The following CELSR3 variants were observed in gnomAD, a reference collection of about 807,000 sequenced individuals.
The protein encoded by CELSR3 is EGF-like protein 1.
Under a neutral mutation model 270.0 loss-of-function variants are expected in CELSR3, and 73 were observed. That is an observed-to-expected ratio of 0.27 (90% confidence interval 0.22 to 0.33). The LOEUF (loss-of-function observed/expected upper bound fraction) is 0.33, where lower values mean the gene tolerates loss of function less well. Ranked by LOEUF, CELSR3 falls within the 10% of genes least tolerant of loss-of-function variation. The pLI, the probability that CELSR3 is intolerant of heterozygous loss-of-function variation, is 1.00. For missense variants in CELSR3, 3,614 were observed against 4,533.8 expected (o/e 0.80, Z 5.83); for synonymous variants, 1,780 against 1,905.4 (o/e 0.93, Z 1.71).
Position 48,646,741 on chromosome 3 carries a change from CA to C in CELSR3, c.7295+21del, listed in dbSNP as rs746151087. On this transcript the variant is annotated intron_variant, in intron 21 of 34. Transcript: ENST00000164024. The surrounding 1 kb of genome is among the most constrained non-coding windows in gnomAD (Gnocchi z 4.8). ...CAGGCTGAGAAGTTCGTAGGAAGCTCAGGGGTGAGGGGCCTGAGTACCTGGC... is the reference window on the plus strand; with the variant it reads ...CAGGCTGAGAAGTTCGTAGGAAGCTCGGGGTGAGGGGCCTGAGTACCTGGC... 11 of 1,600,562 alleles carry C rather than the reference CA, an allele frequency of 6.9e-6. No individual in the cohort carries two copies. Among genetic ancestry groups the C allele is most frequent in the Non-Finnish European group, 9.4e-6 (11 of 1,175,776 alleles).
rs1277476856 is a variant in CELSR3 at position 48,645,933 on chromosome 3, A to G, written c.7464-65T>C. The G allele has an allele frequency of 1.3e-5, 21 of 1,575,858 alleles. No individual in the cohort carries two copies. Among genetic ancestry groups the G allele is most frequent in the Non-Finnish European group, 4.3e-6 (5 of 1,157,908 alleles). ...GTCAGGCAGGGGTTTGTGAGAGATC[A>G]TGGGAAGGGCTGAGGGTGCCTGGAG... On this transcript the variant is annotated intron_variant, in intron 22 of 34. Coordinates refer to ENST00000164024, the MANE Select transcript of CELSR3 (RefSeq NM_001407.3). The surrounding 1 kb of genome is among the most constrained non-coding windows in gnomAD (Gnocchi z 5.4).
At position 48,656,802 on chromosome 3, in the gene CELSR3, CA is replaced by C; in HGVS notation, c.4294del (p.Cys1432AlafsTer127). On this transcript the variant is annotated frameshift_variant, in exon 2 of 35. Transcript: ENST00000164024. LOFTEE classifies it high-confidence loss of function. Reference sequence around the variant, plus strand: ...GTAGCAGAGGTCGAGCTCGGTCTCGCAAAAGTCTCCCGTGAATCCGGGCGGG... The same window carrying C: ...GTAGCAGAGGTCGAGCTCGGTCTCGCAAAGTCTCCCGTGAATCCGGGCGGG... ...RCPPGFTGDF[C>X]ETELDLCYSN... The C allele has an allele frequency of 6.2e-7, 1 of 1,604,656 alleles. No individual in the cohort carries two copies. The highest frequency in any genetic ancestry group is 8.5e-7 in the Non-Finnish European group (1 of 1,175,248).
rs763423081 is a variant in CELSR3 at position 48,651,556 on chromosome 3, G to A, written c.6065+21C>T. The A allele has an allele frequency of 1.5e-5, 24 of 1,590,532 alleles. No individual in the cohort carries two copies. Among genetic ancestry groups the A allele is most frequent in the East Asian group, 6.7e-5 (3 of 44,566 alleles). ...CCTGTCCCTGCCAGGTCTCCCCATC[G>A]CCTCAGCCCCAGCCTCTTACCTGTG... On this transcript the variant is annotated intron_variant, in intron 13 of 34. Coordinates refer to ENST00000164024, the MANE Select transcript of CELSR3 (RefSeq NM_001407.3). This position sits in a 1 kb window ranked among gnomAD's most constrained non-coding sequence, Gnocchi z 7.4.
At position 48,660,940 on chromosome 3, in the gene CELSR3, C is replaced by A; in HGVS notation, c.1695G>T (p.Leu565=). The part of the protein sequence containing the change: ...REDVRPHTVV[L]RVTATDRDKD... ...TGTCCCGGTCAGTGGCCGTGACGCG[C>A]AGCACGACTGTGTGGGGGCGCACAT... Residue 565 remains leucine (L), a synonymous_variant, in exon 1 of 35, where the codon CTG becomes CTT. Transcript: ENST00000164024. The surrounding 1 kb of genome is among the most constrained non-coding windows in gnomAD (Gnocchi z 5.5). 1 of 1,613,946 alleles carries A rather than the reference C, an allele frequency of 6.2e-7. No individual in the cohort carries two copies. Among genetic ancestry groups the A allele is most frequent in the East Asian group, 2.2e-5 (1 of 44,892 alleles).
At position 48,655,158 on chromosome 3, in the gene CELSR3, T is replaced by C. The variant is rs2047169174; in HGVS notation, c.4874A>G (p.Asp1625Gly). The stretch of plus-strand genomic sequence containing the variant: ...ATCCACGCTTAGCACAGCCACCTTG[T>C]CCTTGGAGGGGCCCTGTGCACCCCC... ...ALGGAQGPSK[D>G]KVAVLSVDDC... The change falls in exon 6 of 35, where the codon GAC (aspartate) becomes GGC (glycine). Residue 1625 changes from aspartate (D) to glycine (G), a missense_variant. Physicochemically the swap from Asp to Gly is moderately conservative, Grantham distance 94. This residue lies in a region of CELSR3 where 1,331 missense variants were observed against 1,933.7 expected (regional missense o/e 0.69). Coordinates refer to ENST00000164024, the MANE Select transcript of CELSR3 (RefSeq NM_001407.3). The surrounding 1 kb of genome is among the most constrained non-coding windows in gnomAD (Gnocchi z 5.8). The C allele has an allele frequency of 6.2e-7, 1 of 1,613,984 alleles. No individual in the cohort carries two copies. Among genetic ancestry groups the C allele is most frequent in the Non-Finnish European group, 8.5e-7 (1 of 1,179,950 alleles).
chr3:48,656,456 C>T, intron 2 of CELSR3, 91 bp from the exon 3 acceptor site: 24 of 1,252,868 alleles, frequency 1.9e-5, no homozygotes, highest in Non-Finnish European at 2.4e-5. Context: ...GGCCGGGTGC[C>T]AAGACCCCCG....
Position 48,640,705 on chromosome 3 carries a change from C to G in CELSR3, c.9026-146G>C. 1 of 831,162 alleles carries G rather than the reference C, an allele frequency of 1.2e-6. No individual in the cohort carries two copies. The highest frequency in any genetic ancestry group is 1.8e-6 in the Non-Finnish European group (1 of 552,750). The allele number at this position is 831,162 out of a possible 1,614,324, so 51.5% of individuals were successfully genotyped here. A position where few individuals can be genotyped will look rare whatever the true frequency, so the allele number is the denominator to read the frequency against. On this transcript the variant is annotated intron_variant, in intron 33 of 34. Transcript: ENST00000164024. This position sits in a 1 kb window ranked among gnomAD's most constrained non-coding sequence, Gnocchi z 7.5. ...ACCCCTTGGGGAGCAGCAGAGGCAA[C>G]CCTGGTGGTCCCAGAGAGGCAGCAG...
In CELSR3 at chr3:48,661,947, G is replaced by C. The variant is rs761223339; in HGVS notation, c.688C>G (p.Pro230Ala). Residue 230 changes from proline (P) to alanine (A), a missense_variant, in exon 1 of 35, where the codon CCC becomes GCC. This residue lies in a region of CELSR3 where 470 missense variants were observed against 469.7 expected (regional missense o/e 1.00). Coordinates refer to ENST00000164024, the MANE Select transcript of CELSR3 (RefSeq NM_001407.3). ...GCCCCTGGAAGACAGTTCCGCCGGGGGGCTGTCCTTTCTGCTCCGGATGTC... is the reference window on the plus strand; with the variant it reads ...GCCCCTGGAAGACAGTTCCGCCGGGCGGCTGTCCTTTCTGCTCCGGATGTC... Reference protein sequence around the residue: ...ATTSGAERTAPRRNCLPGASG... With the variant: ...ATTSGAERTAARRNCLPGASG... The C allele has an allele frequency of 6.2e-7, 1 of 1,613,650 alleles. No individual in the cohort carries two copies. The highest frequency in any genetic ancestry group is 1.3e-5 in the African/African-American group (1 of 75,078).
Position 48,639,786 on chromosome 3 carries a change from G to A in CELSR3, c.9799C>T (p.Pro3267Ser), listed in dbSNP as rs972850209. The A allele has an allele frequency of 1.2e-6, 2 of 1,613,864 alleles. No homozygotes were observed. Among genetic ancestry groups the A allele is most frequent in the African/African-American group, 2.7e-5 (2 of 75,034 alleles). ...ALSSVQSSST[P>S]LGPHTTATPS... ...GTGGCAGTGGTGTGAGGGCCCAAGGGTGTGCTTGAAGATTGCACAGAGGAG... is the reference window on the plus strand; with the variant it reads ...GTGGCAGTGGTGTGAGGGCCCAAGGATGTGCTTGAAGATTGCACAGAGGAG... The change falls in exon 34 of 35, where the codon CCC becomes TCC. Residue 3267 changes from proline (P) to serine (S), a missense_variant. By Grantham distance (74) the Pro-to-Ser change is moderately conservative. Around this residue, in one of 7 missense-constraint regions of CELSR3, gnomAD observed 1,240 missense variants for 1,351.7 expected, o/e 0.92. Coordinates refer to ENST00000164024, the MANE Select transcript of CELSR3 (RefSeq NM_001407.3). The surrounding 1 kb of genome is among the most constrained non-coding windows in gnomAD (Gnocchi z 4.1).
chr3:48,641,932 C>G lies in CELSR3; in HGVS notation c.8743G>C (p.Asp2915His), dbSNP rs770006980. 5.8e-5 allele frequency: 93 copies of G among 1,602,748 alleles called. No individual in the cohort carries two copies. The South Asian group carries it at 7.3e-4, about 12-fold the overall frequency. The change falls in exon 32 of 35, where the codon GAC becomes CAC. Residue 2915 changes from aspartate to histidine, a missense_variant. This residue lies in a region of CELSR3 where 1,240 missense variants were observed against 1,351.7 expected (regional missense o/e 0.92). Coordinates refer to ENST00000164024, the MANE Select transcript of CELSR3 (RefSeq NM_001407.3). This position sits in a 1 kb window ranked among gnomAD's most constrained non-coding sequence, Gnocchi z 4.8. The stretch of plus-strand genomic sequence containing the variant: ...AAGCGCCCCCGCGTCCGGCCATTGT[C>G]CTCGCTTTCTGAAGATGGAATGGAG... ...SLSIPSSESE[D>H]NGRTRGRFQR...
Position 48,657,136 on chromosome 3 carries a change from C to A in CELSR3, c.3961G>T (p.Val1321Leu). 6.2e-7 allele frequency: 1 copy of A among 1,613,994 alleles called. No individual in the cohort carries two copies. Residue 1321 changes from valine (V) to leucine (L), a missense_variant, in exon 2 of 35, where the codon GTA (valine) becomes TTA (leucine). By Grantham distance (32) the Val-to-Leu change is conservative. This residue lies in a region of CELSR3 where 1,331 missense variants were observed against 1,933.7 expected (regional missense o/e 0.69). Transcript: ENST00000164024. This position sits in a 1 kb window ranked among gnomAD's most constrained non-coding sequence, Gnocchi z 5.4. ...CTCACATTGAGCACGGTGCCCCCTACGTCTGTGTCGTTCTGGATGTTGAAG... is the reference window on the plus strand; with the variant it reads ...CTCACATTGAGCACGGTGCCCCCTAAGTCTGTGTCGTTCTGGATGTTGAAG... ...FIFNIQNDTD[V>L]GGTVLNVSFS...
At position 48,650,758 on chromosome 3, in the gene CELSR3, G is replaced by C. The variant is rs979817550; in HGVS notation, c.6370+134C>G. The C allele has an allele frequency of 7.1e-6, 8 of 1,119,100 alleles. No individual in the cohort carries two copies. Among genetic ancestry groups the C allele is most frequent in the Admixed American group, 2.7e-5 (1 of 36,764 alleles). The allele number at this position is 1,119,100 out of a possible 1,614,324, so 69.3% of individuals were successfully genotyped here. ...AGCAAAGTACTTGGGGCAAAGGTAG[G>C]GTTCCCTGGGTGTAAGTGGTCTCCC... On this transcript the variant is annotated intron_variant, in intron 15 of 34. Transcript: ENST00000164024. This position sits in a 1 kb window ranked among gnomAD's most constrained non-coding sequence, Gnocchi z 5.1.
chr3:48,660,752 G>A lies in CELSR3; in HGVS notation c.1883C>T (p.Pro628Leu), dbSNP rs1368392692. The A allele has an allele frequency of 1.2e-6, 2 of 1,614,084 alleles. No individual in the cohort carries two copies. Among genetic ancestry groups the A allele is most frequent in the Non-Finnish European group, 1.7e-6 (2 of 1,180,024 alleles). ...LRIRAQDAGR[P>L]PLSNNTGLAS... ...CAGGCCCGTGTTGTTGGACAGCGGTGGCCGGCCAGCATCCTGCGCCCTGAT... is the reference window on the plus strand; with the variant it reads ...CAGGCCCGTGTTGTTGGACAGCGGTAGCCGGCCAGCATCCTGCGCCCTGAT... Residue 628 changes from proline to leucine, a missense_variant, in exon 1 of 35, where the codon CCA becomes CTA. This residue lies in a region of CELSR3 where 354 missense variants were observed against 500.9 expected (regional missense o/e 0.71). Coordinates refer to ENST00000164024, the MANE Select transcript of CELSR3 (RefSeq NM_001407.3). The surrounding 1 kb of genome is among the most constrained non-coding windows in gnomAD (Gnocchi z 5.5).
chr3:48,657,185 A>G lies in CELSR3; in HGVS notation c.3912T>C (p.Ala1304=), dbSNP rs745321300. 5.0e-6 allele frequency: 8 copies of G among 1,613,816 alleles called. No individual in the cohort carries two copies. Among genetic ancestry groups the G allele is most frequent in the Admixed American group, 3.3e-5 (2 of 60,004 alleles). The change falls in exon 2 of 35, where the codon GCT becomes GCC. Residue 1304 remains alanine, a synonymous_variant. Coordinates refer to ENST00000164024, the MANE Select transcript of CELSR3 (RefSeq NM_001407.3). The surrounding 1 kb of genome is among the most constrained non-coding windows in gnomAD (Gnocchi z 5.4). ...AGATGAAGACGTCCTCAGCGGGCGT[A>G]GCGAGCACCGCAGCCACGCCCTCGA... ...RFLEGVAAVL[A]TPAEDVFIFN... is the part of the protein sequence containing the mutation.
At position 48,641,404 on chromosome 3, in the gene CELSR3, G is replaced by A; in HGVS notation, c.8945C>T (p.Ala2982Val). Residue 2982 changes from alanine (A) to valine (V), a missense_variant, in exon 33 of 35, where the codon GCA becomes GTA. Physicochemically the swap from Ala to Val is moderately conservative, Grantham distance 64 (BLOSUM62 0). Coordinates refer to ENST00000164024, the MANE Select transcript of CELSR3 (RefSeq NM_001407.3). The surrounding 1 kb of genome is among the most constrained non-coding windows in gnomAD (Gnocchi z 4.8). ...CGGGTCTGGCTGGTTGTTGTTAGCT[G>A]CATCCTTGCTGGTGTCCAGCCCCAG... is the stretch of plus-strand genomic sequence containing the variant. ...RRLGLDTSKD[A>V]ANNNQPDPAL... 4 of 1,612,440 alleles carry A rather than the reference G, an allele frequency of 2.5e-6. No homozygotes were observed. Among genetic ancestry groups the A allele is most frequent in the Non-Finnish European group, 3.4e-6 (4 of 1,179,634 alleles).
chr3:48,645,427 G>A lies in CELSR3; in HGVS notation c.7797+16C>T. ...AGGGTCATCAGGACACAAGTTCCCT[G>A]GCCCTGATCCTGCACCTGATTGTGG... is the stretch of plus-strand genomic sequence containing the variant. On this transcript the variant is annotated intron_variant, in intron 24 of 34. Transcript: ENST00000164024. This position sits in a 1 kb window ranked among gnomAD's most constrained non-coding sequence, Gnocchi z 5.4. 1 of 1,612,632 alleles carries A rather than the reference G, an allele frequency of 6.2e-7. No homozygotes were observed. The highest frequency in any genetic ancestry group is 8.5e-7 in the Non-Finnish European group (1 of 1,179,760).
In CELSR3 at chr3:48,638,135, C is replaced by G. The variant is rs1473170116; in HGVS notation, c.*70G>C. On this transcript the variant is annotated 3_prime_UTR_variant, in exon 35 of 35. Coordinates refer to ENST00000164024, the MANE Select transcript of CELSR3 (RefSeq NM_001407.3). Reference sequence around the variant, plus strand: ...GGCTGCCTTGGGATCTGCCCCCACTCCTGGAGTCTCTCCTGTTAGCCTAGA... The same window carrying G: ...GGCTGCCTTGGGATCTGCCCCCACTGCTGGAGTCTCTCCTGTTAGCCTAGA... 1 of 1,419,564 alleles carries G rather than the reference C, an allele frequency of 7.0e-7. No homozygotes were observed. The highest frequency in any genetic ancestry group is 1.0e-6 in the Non-Finnish European group (1 of 1,004,114). The allele number at this position is 1,419,564 out of a possible 1,614,324, so 87.9% of individuals were successfully genotyped here. A position where few individuals can be genotyped will look rare whatever the true frequency, so the allele number is the denominator to read the frequency against.
rs1559483308 is a variant in CELSR3 at position 48,662,431 on chromosome 3, G to C, written c.204C>G (p.Ser68=). 6.2e-7 allele frequency: 1 copy of C among 1,612,702 alleles called. No homozygotes were observed. The highest frequency in any genetic ancestry group is 8.5e-7 in the Non-Finnish European group (1 of 1,179,876). ...CAGGCCCCCCATCCTCCCGGACCCC[G>C]GAAGACTCCGGACAAAGAGCTAAGG... ...GGALALCPES[S]GVREDGGPGL... The change falls in exon 1 of 35, where the codon TCC becomes TCG. Residue 68 remains serine (S), a synonymous_variant. Coordinates refer to ENST00000164024, the MANE Select transcript of CELSR3 (RefSeq NM_001407.3). The surrounding 1 kb of genome is among the most constrained non-coding windows in gnomAD (Gnocchi z 7.1).
rs774712306 is a variant in CELSR3 at position 48,647,827 on chromosome 3, C to T, written c.7129+14G>A. 6.2e-7 allele frequency: 1 copy of T among 1,606,344 alleles called. No individual in the cohort carries two copies. Among genetic ancestry groups the T allele is most frequent in the Non-Finnish European group, 8.5e-7 (1 of 1,178,876 alleles). ...AGACAGGACTTGGCCCAGGGGTCCC[C>T]TAGGGGCTCTCACCTTCAGATGGGG... On this transcript the variant is annotated intron_variant, in intron 20 of 34. Coordinates refer to ENST00000164024, the MANE Select transcript of CELSR3 (RefSeq NM_001407.3).
Sources: allele counts gnomAD v4.1 joint callset, GRCh38; gene constraint gnomAD v4.1.1; regional missense constraint gnomAD v4.1.1; non-coding constraint Gnocchi (gnomAD v3.1); transcripts MANE v1.5; gene names NCBI Gene and HGNC (gene_info 2026-07-23, HGNC 2026-07-21).